PLCB4: variants seen among roughly 807,000 people sequenced by gnomAD.
The protein encoded by PLCB4 is phospholipase C beta 4.
PLCB4 carries 77 observed loss-of-function variants against 178.8 expected under a neutral mutation model. The ratio of observed to expected loss-of-function variants is 0.43; its 90% CI spans 0.36 to 0.52. PLCB4 has a LOEUF of 0.52. Ranked by LOEUF, PLCB4 falls within the 20% of genes least tolerant of loss-of-function variation. PLCB4 has a pLI of 0.00. For missense variants in PLCB4, 1,024 were observed against 1,453.4 expected (o/e 0.70, Z 4.80); for synonymous variants, 496 against 490.8 (o/e 1.01, Z -0.14).
intron 2 of PLCB4, among the ~76,000 whole-genome samples, chr20:9,148,599 T>C (rs1388419043): frequency 6.6e-6 from 1 of 152,084 alleles, no homozygotes; most frequent in East Asian, 1.9e-4. Flanking sequence ...GAGTAAGAAT[T>C]TGTGTTCTAG....
chr20:9,259,663 G>A (rs1397842470), intron 3 of PLCB4, among the ~76,000 whole-genome samples: 1 of 152,014 alleles, frequency 6.6e-6, no homozygotes, highest in East Asian at 1.9e-4. Context: ...AGAAATAGAG[G>A]TTTGAGCATA....
At chr20:9,325,517 C>A (rs927216912) in intron 4 of PLCB4, among the ~76,000 whole-genome samples, 4 of 152,168 alleles carry the variant, frequency 2.6e-5, no homozygotes, top group African/African-American at 9.7e-5. Context: ...CTCCCAGAAT[C>A]TGAGCATCCA....
In PLCB4 at chr20:9,309,111, C is replaced by T. The variant is rs188714088; in HGVS notation, c.84+1213C>T. On this transcript the variant is annotated intron_variant, in intron 4 of 39. Coordinates refer to ENST00000378473, the MANE Select transcript of PLCB4 (RefSeq NM_001377142.1). ...TGTGTTTAAAATGCTTCCATCACTTCCCATTGTAGCGTAAAGGGAAGTTCA... is the reference window on the plus strand; with the variant it reads ...TGTGTTTAAAATGCTTCCATCACTTTCCATTGTAGCGTAAAGGGAAGTTCA... Among the ~76,000 whole-genome samples the T allele has an allele frequency of 3.3e-5, 5 of 152,122 alleles. No individual in the cohort carries two copies. In the East Asian group the frequency reaches 9.6e-4, roughly 29 times the overall value.
At chr20:9,210,206 T>C (rs2093658782) in intron 2 of PLCB4, among the ~76,000 whole-genome samples, 1 of 152,234 alleles carries the variant, frequency 6.6e-6, no homozygotes, top group Non-Finnish European at 1.5e-5. Context: ...AAACTTGTAA[T>C]GAACTCCTCT....
At chr20:9,371,348 C>G (rs933238744) in intron 10 of PLCB4, 53 bp downstream of exon 10, 10 of 946,432 alleles carry the variant, frequency 1.1e-5, no homozygotes, top group East Asian at 2.4e-5. Flanking sequence ...TATTTATCTT[C>G]TCATATGTAA....
At chr20:9,091,650 C>A (rs1600336004) in intron 1 of PLCB4, among the ~76,000 whole-genome samples, 2 of 150,254 alleles carry the variant, frequency 1.3e-5, no homozygotes, top group African/African-American at 4.9e-5. Context: ...AACTGGGGAG[C>A]GGTGAAGACT....
chr20:9,069,452 C>T (rs1448198631), intron 1 of PLCB4, among the ~76,000 whole-genome samples: 1 of 152,198 alleles, frequency 6.6e-6, no homozygotes, highest in Non-Finnish European at 1.5e-5. Flanking sequence ...TCCAGACGTT[C>T]ACCCTCTTCT....
chr20:9,387,157 C>G (rs984895250), intron 14 of PLCB4, among the ~76,000 whole-genome samples: 2 of 151,960 alleles, frequency 1.3e-5, no homozygotes, highest in African/African-American at 4.8e-5. Context: ...TAGGACACAC[C>G]ACGCCCGGCC....
At chr20:9,068,849 G>A (rs560289274), upstream of PLCB4, 17 of 151,678 alleles carry the variant, frequency 1.1e-4, no homozygotes, top group African/African-American at 4.1e-4. Flanking sequence ...GCGGGTCGGC[G>A]CTGCCCCGTG....
chr20:9,202,374 TA>T (rs1279501064), intron 2 of PLCB4, among the ~76,000 whole-genome samples: 26 of 152,214 alleles, frequency 1.7e-4, no homozygotes, highest in African/African-American at 5.5e-4. Context: ...GCATGTGAAT[TA>T]AAAATAAAAA....
intron 3 of PLCB4, among the ~76,000 whole-genome samples, chr20:9,222,678 T>A (rs1180335452): frequency 6.6e-6 from 1 of 152,256 alleles, no homozygotes; most frequent in African/African-American, 2.4e-5. Context: ...ATGGAGGTTT[T>A]ACCTTTTTTT....
intron 3 of PLCB4, among the ~76,000 whole-genome samples, chr20:9,227,234 T>C (rs1260336839): frequency 1.3e-5 from 2 of 152,038 alleles, no homozygotes; most frequent in Admixed American, 6.6e-5. Flanking sequence ...GACTTGAAGA[T>C]ATTTTCTCCC....
intron 4 of PLCB4, among the ~76,000 whole-genome samples, chr20:9,326,173 A>T (rs2030523428): frequency 6.6e-6 from 1 of 152,214 alleles, no homozygotes; most frequent in African/African-American, 2.4e-5. Context: ...CATTCAGACC[A>T]TAGGACCTTG....
At chr20:9,117,970 T>A (rs1017506208) in intron 2 of PLCB4, among the ~76,000 whole-genome samples, 2 of 152,206 alleles carry the variant, frequency 1.3e-5, no homozygotes, top group Non-Finnish European at 2.9e-5. Context: ...TGCTTATTAT[T>A]TATTTCTTTG....
chr20:9,114,692 T>C (rs1186302247), intron 2 of PLCB4, among the ~76,000 whole-genome samples: 1 of 152,136 alleles, frequency 6.6e-6, no homozygotes, highest in African/African-American at 2.4e-5. Flanking sequence ...CTTAGAGCAG[T>C]AGCCAGTTGT....
chr20:9,380,791 A>C (rs1318442491), intron 13 of PLCB4, among the ~76,000 whole-genome samples: 1 of 152,198 alleles, frequency 6.6e-6, no homozygotes, highest in Non-Finnish European at 1.5e-5. Flanking sequence ...TGCCTGCGGA[A>C]CATGGGAGGG....
Position 9,380,266 on chromosome 20 carries a change from G to C in PLCB4, c.853+104G>C, listed in dbSNP as rs2037031822. 5 of 591,126 alleles carry C rather than the reference G, an allele frequency of 8.5e-6. No individual in the cohort carries two copies. The South Asian group carries it at 1.2e-4, about 14-fold the overall frequency. 36.6% of individuals were successfully genotyped at this position (591,126 alleles called of 1,614,324 possible). A position where few individuals can be genotyped will look rare whatever the true frequency, so the allele number is the denominator to read the frequency against. On this transcript the variant is annotated intron_variant, in intron 13 of 39. Coordinates refer to ENST00000378473, the MANE Select transcript of PLCB4 (RefSeq NM_001377142.1). Reference sequence around the variant, plus strand: ...ATCTGTAAATGCTTTGCAACTCCCTGAGCCATGGATTGATGACTATTTTTT... The same window carrying C: ...ATCTGTAAATGCTTTGCAACTCCCTCAGCCATGGATTGATGACTATTTTTT...
chr20:9,398,789 T>A (rs1302400649), intron 19 of PLCB4, among the ~76,000 whole-genome samples: 1 of 152,080 alleles, frequency 6.6e-6, no homozygotes, highest in Non-Finnish European at 1.5e-5. Context: ...AAGCTCTGCC[T>A]CTGAAATGGG....
Position 9,380,089 on chromosome 20 carries a change from T to C in PLCB4, c.780T>C (p.Phe260=), listed in dbSNP as rs1378069786. ...QRDPRLNEIL[F]PFYDAKRAMQ... ...ATCCTCGATTGAATGAAATTTTATTTCCATTTTATGATGCCAAAAGGGCAA... is the reference window on the plus strand; with the variant it reads ...ATCCTCGATTGAATGAAATTTTATTCCCATTTTATGATGCCAAAAGGGCAA... The change falls in exon 13 of 40, where the codon TTT becomes TTC. Residue 260 remains phenylalanine, a synonymous_variant. Transcript: ENST00000378473. 1 of 1,597,988 alleles carries C rather than the reference T, an allele frequency of 6.3e-7. No homozygotes were observed. The highest frequency in any genetic ancestry group is 2.2e-5 in the East Asian group (1 of 44,606).
Sources: allele counts gnomAD v4.1 joint callset (sites outside exome capture counted in the v4.1 genomes callset), GRCh38; gene constraint gnomAD v4.1.1; transcripts MANE v1.5; gene names NCBI Gene and HGNC (gene_info 2026-07-23, HGNC 2026-07-21).